PTPRD: variants seen among roughly 807,000 people sequenced by gnomAD.
PTPRD encodes the protein protein tyrosine phosphatase receptor type D.
In PTPRD, 34 loss-of-function variants were observed where a neutral mutation model predicts 214.5. That is an observed-to-expected ratio of 0.16 (90% confidence interval 0.12 to 0.21). PTPRD has a LOEUF of 0.21. Ranked by LOEUF, PTPRD falls within the 10% of genes least tolerant of loss-of-function variation. The pLI, the probability that PTPRD is intolerant of heterozygous loss-of-function variation, is 1.00. For missense variants in PTPRD, 2,545 were observed against 2,398.7 expected, an observed-to-expected ratio of 1.06 and a Z score of -1.27; for synonymous variants, 1,128 against 845.7, an observed-to-expected ratio of 1.33 and a Z score of -5.79.
chr9:9,245,520 C>CA (rs1381317874), intron 9 of PTPRD, among the ~76,000 whole-genome samples: 2 of 149,978 alleles, frequency 1.3e-5, no homozygotes, highest in African/African-American at 4.9e-5. Flanking sequence ...ATTGCAAGGA[C>CA]AAAAAACCAA....
intron 9 of PTPRD, among the ~76,000 whole-genome samples, chr9:9,222,402 A>T (rs2099956692): frequency 6.6e-6 from 1 of 152,088 alleles, no homozygotes; most frequent in Non-Finnish European, 1.5e-5. Context: ...TTTTTCTAGA[A>T]CACAGGGAGT....
At chr9:9,096,465 G>A (rs1380286236) in intron 10 of PTPRD, among the ~76,000 whole-genome samples, 1 of 152,124 alleles carries the variant, frequency 6.6e-6, no homozygotes, top group Non-Finnish European at 1.5e-5. Context: ...GCATTAATTT[G>A]TATACTGATT....
chr9:8,735,381 T>C (rs976019701), intron 11 of PTPRD, among the ~76,000 whole-genome samples: 4 of 151,898 alleles, frequency 2.6e-5, no homozygotes, highest in African/African-American at 9.7e-5. Flanking sequence ...TGGCATCAAG[T>C]GATCTGCCTG....
chr9:8,660,604 T>G (rs139449565), intron 12 of PTPRD, among the ~76,000 whole-genome samples: 4 of 152,256 alleles, frequency 2.6e-5, no homozygotes, highest in African/African-American at 9.6e-5. Context: ...CTTCTCCTTT[T>G]GACCCTGGCA....
chr9:10,508,742 C>A (rs2046952416), intron 2 of PTPRD, among the ~76,000 whole-genome samples: 1 of 151,782 alleles, frequency 6.6e-6, no homozygotes, highest in Non-Finnish European at 1.5e-5. Flanking sequence ...GGGAATTGAA[C>A]AATGGAACAC....
At chr9:9,580,933 G>A (rs1385413667) in intron 7 of PTPRD, among the ~76,000 whole-genome samples, 1 of 151,996 alleles carries the variant, frequency 6.6e-6, no homozygotes, top group Non-Finnish European at 1.5e-5. Flanking sequence ...AACAGTCCCT[G>A]TCAGTTGTGT....
At position 10,095,776 on chromosome 9, in the gene PTPRD, T is replaced by C. The variant is rs912612364; in HGVS notation, c.-544-61986A>G. ...TAATTTATACAACCAAAATGCATCC[T>C]ACTTCATGGATAAATACATGTATAC... is the stretch of plus-strand genomic sequence containing the variant. On this transcript the variant is annotated intron_variant, in intron 3 of 45. Transcript: ENST00000381196. Among the ~76,000 whole-genome samples, 3 of 151,564 alleles carry C rather than the reference T, an allele frequency of 2.0e-5. No homozygotes were observed. In the East Asian group the frequency reaches 5.8e-4, roughly 29 times the overall value.
intron 2 of PTPRD, among the ~76,000 whole-genome samples, chr9:10,377,626 AT>A (rs1189747432): frequency 1.3e-5 from 2 of 151,984 alleles, no homozygotes; most frequent in Non-Finnish European, 1.5e-5. Context: ...TGAACTCATC[AT>A]TTTTTATGGC....
intron 14 of PTPRD, among the ~76,000 whole-genome samples, chr9:8,623,662 C>T (rs939356264): frequency 2.0e-5 from 3 of 151,890 alleles, no homozygotes; most frequent in Admixed American, 2.0e-4. Flanking sequence ...AACAGCTTTA[C>T]ATGGATTATC....
In PTPRD at chr9:9,956,280, TAAA is replaced by T. The variant is rs202114228; in HGVS notation, c.-471-17673_-471-17671del. On this transcript the variant is annotated intron_variant, in intron 4 of 45. Coordinates refer to ENST00000381196, the MANE Select transcript of PTPRD (RefSeq NM_002839.4). ...CCTCAGCCCTGATTAAAGTCAAACT[TAAA>T]AAAAAAAAAAAAAACTCTACCAAAT... is the stretch of plus-strand genomic sequence containing the variant. Among the ~76,000 whole-genome samples the T allele has an allele frequency of 9.9e-3, 1,263 of 127,606 alleles. 14 individuals are homozygous for T. Among genetic ancestry groups the T allele is most frequent in the African/African-American group, 0.035 (1,174 of 33,996 alleles). 83.7% of individuals were successfully genotyped at this position (127,606 alleles called of 152,430 possible). A position where few individuals can be genotyped will look rare whatever the true frequency, so the allele number is the denominator to read the frequency against.
At chr9:8,847,025 A>C (rs2097710273) in intron 11 of PTPRD, among the ~76,000 whole-genome samples, 1 of 152,192 alleles carries the variant, frequency 6.6e-6, no homozygotes, top group Non-Finnish European at 1.5e-5. Flanking sequence ...TCAACAGATG[A>C]TACCTAATAA....
At chr9:8,774,825 C>T (rs986089549) in intron 11 of PTPRD, among the ~76,000 whole-genome samples, 1 of 152,066 alleles carries the variant, frequency 6.6e-6, no homozygotes, top group Non-Finnish European at 1.5e-5. Context: ...TGAGCCACTG[C>T]GCCCAGCCAT....
intron 9 of PTPRD, among the ~76,000 whole-genome samples, chr9:9,188,954 G>A (rs1389568159): frequency 6.6e-6 from 1 of 151,950 alleles, no homozygotes; most frequent in African/African-American, 2.4e-5. Context: ...CTAGGGTGGT[G>A]AATTAAAGAT....
intron 4 of PTPRD, among the ~76,000 whole-genome samples, chr9:9,998,848 T>C (rs532670513): frequency 6.6e-6 from 1 of 152,180 alleles, no homozygotes; most frequent in African/African-American, 2.4e-5. Context: ...TGATTCTCCA[T>C]GCTCATGCTG....
At chr9:9,466,270 C>T (rs975954609) in intron 8 of PTPRD, among the ~76,000 whole-genome samples, 1 of 152,098 alleles carries the variant, frequency 6.6e-6, no homozygotes, top group Non-Finnish European at 1.5e-5. Flanking sequence ...GATTGTGTCA[C>T]TCTACTTCAG....
intron 4 of PTPRD, among the ~76,000 whole-genome samples, chr9:9,947,533 T>TA (rs1566622386): frequency 7.9e-3 from 138 of 17,548 alleles, no homozygotes; most frequent in East Asian, 0.033. Context: ...TATATATATT[T>TA]TATATATAAT....
chr9:8,673,891 A>G (rs1311316872), intron 12 of PTPRD, among the ~76,000 whole-genome samples: 1 of 151,990 alleles, frequency 6.6e-6, no homozygotes, highest in East Asian at 1.9e-4. Flanking sequence ...GTTCAGCAGC[A>G]CCCCTGACAC....
chr9:10,403,305 T>G (rs2098306612), intron 2 of PTPRD, among the ~76,000 whole-genome samples: 1 of 142,688 alleles, frequency 7.0e-6, no homozygotes, highest in South Asian at 2.2e-4. Flanking sequence ...GTCTTGATAT[T>G]TTAAAAAGTT....
intron 3 of PTPRD, among the ~76,000 whole-genome samples, chr9:10,131,156 C>T (rs1481049506): frequency 6.6e-6 from 1 of 152,026 alleles, no homozygotes; most frequent in African/African-American, 2.4e-5. Context: ...GAGGATGGAG[C>T]AAATCTCTAA....
Sources: allele counts gnomAD v4.1 joint callset (sites outside exome capture counted in the v4.1 genomes callset), GRCh38; gene constraint gnomAD v4.1.1; transcripts MANE v1.5; gene names NCBI Gene and HGNC (gene_info 2026-07-23, HGNC 2026-07-21).